COL1A2: variants seen among roughly 807,000 people sequenced by gnomAD.
The protein encoded by COL1A2 is collagen type I alpha 2 chain, also known as collagen alpha-2(I) chain.
A neutral mutation model predicts 174.3 loss-of-function variants in COL1A2; 49 were observed. The ratio of observed to expected loss-of-function variants is 0.28; its 90% confidence interval spans 0.22 to 0.36. The LOEUF (loss-of-function observed/expected upper bound fraction) is 0.36, where lower values mean the gene tolerates loss of function less well. COL1A2 is among the 10% of genes least tolerant of loss of function. The pLI, the probability that COL1A2 is intolerant of heterozygous loss-of-function variation, is 1.00. For synonymous variants in COL1A2, 655 were observed against 606.6 expected, an observed-to-expected ratio of 1.08 and a Z score of -1.17; for missense variants, 1,438 against 1,822.7, an observed-to-expected ratio of 0.79 and a Z score of 3.84.
rs763546006 is a variant in COL1A2 at position 94,397,748 on chromosome 7, C to G, written c.71C>G (p.Ser24Cys). ...AVTLCLATCQ[S>C]LQEETVRKGP... is the part of the protein sequence containing the mutation. ...TACTTTTTCTTTTTTTTTTCTACAG[C>G]TTTACAAGAGGTGAGTAAAACTTTT... The change falls in exon 2 of 52, where the codon TCT becomes TGT. Residue 24 changes from serine to cysteine, a missense_variant and splice_region_variant. Physicochemically the swap from Ser to Cys is moderately radical, Grantham distance 112 (BLOSUM62 -1). Around this residue, in one of 3 missense-constraint regions of COL1A2, gnomAD observed 281 missense variants for 310.9 expected, o/e 0.90. Coordinates refer to ENST00000297268, the MANE Select transcript of COL1A2 (RefSeq NM_000089.4). 1 of 1,304,308 alleles carries G rather than the reference C, an allele frequency of 7.7e-7. No individual in the cohort carries two copies. The highest frequency in any genetic ancestry group is 2.4e-5 in the East Asian group (1 of 42,438). 80.8% of individuals were successfully genotyped at this position (1,304,308 alleles called of 1,614,324 possible). A position where few individuals can be genotyped will look rare whatever the true frequency, so the allele number is the denominator to read the frequency against.
intron 25 of COL1A2, 43 bp from the exon 26 acceptor site, chr7:94,413,040 T>C (rs779519774): frequency 2.5e-6 from 4 of 1,585,638 alleles, no homozygotes; most frequent in Non-Finnish European, 3.5e-6. Context: ...TGACATTAAA[T>C]GTGCAAAGCT....
At chr7:94,422,070 C>A in intron 39 of COL1A2, 118 bp downstream of exon 39, 1 of 799,056 alleles carries the variant, frequency 1.3e-6, no homozygotes. Flanking sequence ...CTATTACTCT[C>A]CTGGTCTGAA....
At chr7:94,401,710 C>G (rs1791693497) in intron 6 of COL1A2, 90 bp downstream of exon 6, 2 of 888,516 alleles carry the variant, frequency 2.3e-6, no homozygotes. Flanking sequence ...ATTTAGCTAC[C>G]TAAGTTAACA....
Position 94,430,621 on chromosome 7 carries a change from A to G in COL1A2, c.*228A>G. On this transcript the variant is annotated 3_prime_UTR_variant, in exon 52 of 52. Coordinates refer to ENST00000297268, the MANE Select transcript of COL1A2 (RefSeq NM_000089.4). Reference sequence around the variant, plus strand: ...CAAAAATTTGAATTTTTTTTTCAACACTCTTACACCTGTTATGGAAAATGT... The same window carrying G: ...CAAAAATTTGAATTTTTTTTTCAACGCTCTTACACCTGTTATGGAAAATGT... 1.8e-6 allele frequency: 1 copy of G among 549,590 alleles called. No individual in the cohort carries two copies. The allele number at this position is 549,590 out of a possible 1,614,324, so 34.0% of individuals were successfully genotyped here.
chr7:94,429,258 C>A lies in COL1A2; in HGVS notation c.3782C>A (p.Ala1261Asp). The A allele has an allele frequency of 6.2e-7, 1 of 1,613,978 alleles. No individual in the cohort carries two copies. The highest frequency in any genetic ancestry group is 8.5e-7 in the Non-Finnish European group (1 of 1,179,908). Residue 1261 changes from alanine to aspartate, a missense_variant, in exon 51 of 52, where the codon GCC becomes GAC. This residue lies in a region of COL1A2 where 290 missense variants were observed against 298.1 expected (regional missense o/e 0.97). Coordinates refer to ENST00000297268, the MANE Select transcript of COL1A2 (RefSeq NM_000089.4). ...ATQLAFMRLL[A>D]NYASQNITYH... ...CAACTTGCCTTCATGCGCCTGCTGG[C>A]CAACTATGCCTCTCAGAACATCACC...
intron 14 of COL1A2, 36 bp downstream of exon 14, chr7:94,408,272 T>TA (rs2115888209): frequency 6.2e-7 from 1 of 1,613,622 alleles, no homozygotes; most frequent in South Asian, 1.1e-5. Flanking sequence ...TTCATCCTTT[T>TA]AAAAAATCTT....
rs1229504653 is a variant in COL1A2 at position 94,428,462 on chromosome 7, C to G, written c.3696C>G (p.Ile1232Met). Reference sequence around the variant, plus strand: ...AACACGTCTGGCTAGGAGAAACTATCAATGCTGGCAGCCAGGTGAGGAATC... The same window carrying G: ...AACACGTCTGGCTAGGAGAAACTATGAATGCTGGCAGCCAGGTGAGGAATC... ...DKKHVWLGET[I>M]NAGSQFEYNV... The change falls in exon 50 of 52, where the codon ATC (isoleucine) becomes ATG (methionine). Residue 1232 changes from isoleucine (I) to methionine (M), a missense_variant. This residue lies in a region of COL1A2 where 290 missense variants were observed against 298.1 expected (regional missense o/e 0.97). Coordinates refer to ENST00000297268, the MANE Select transcript of COL1A2 (RefSeq NM_000089.4). 6.2e-7 allele frequency: 1 copy of G among 1,613,856 alleles called. No individual in the cohort carries two copies. Among genetic ancestry groups the G allele is most frequent in the Non-Finnish European group, 8.5e-7 (1 of 1,179,930 alleles).
chr7:94,419,855 C>T (rs983272737), intron 34 of COL1A2, among the ~76,000 whole-genome samples: 15 of 152,224 alleles, frequency 9.9e-5, no homozygotes, highest in African/African-American at 3.6e-4. Context: ...CAATTATTAC[C>T]AAAAAATCAA....
intron 30 of COL1A2, 61 bp from the exon 31 acceptor site, chr7:94,416,344 G>A: frequency 7.1e-7 from 1 of 1,410,824 alleles, no homozygotes; most frequent in Non-Finnish European, 9.8e-7. Flanking sequence ...ACTCTCATAT[G>A]TAAAACAGTA....
Position 94,421,166 on chromosome 7 carries a change from A to T in COL1A2, c.2349+104A>T, listed in dbSNP as rs554434548. On this transcript the variant is annotated intron_variant, in intron 38 of 51. Transcript: ENST00000297268. The stretch of plus-strand genomic sequence containing the variant: ...GGTAAATTTGGACTACCATGAGGAA[A>T]CTTTTGAGATTCAAGTTCATTCTAT... 66 of 1,141,538 alleles carry T rather than the reference A, an allele frequency of 5.8e-5. No homozygotes were observed. The African/African-American group carries it at 9.8e-4, about 17-fold the overall frequency. The allele number at this position is 1,141,538 out of a possible 1,614,324, so 70.7% of individuals were successfully genotyped here. A position where few individuals can be genotyped will look rare whatever the true frequency, so the allele number is the denominator to read the frequency against.
At position 94,428,477 on chromosome 7, in the gene COL1A2, G is replaced by T. The variant is rs1792333856; in HGVS notation, c.3711G>T (p.Gln1237His). ...GAGAAACTATCAATGCTGGCAGCCA[G>T]GTGAGGAATCCCACAAACACCTCTC... ...WLGETINAGS[Q>H]FEYNVEGVTS... Residue 1237 changes from glutamine to histidine, a missense_variant and splice_region_variant, in exon 50 of 52, where the codon CAG becomes CAT. By Grantham distance (24) the Gln-to-His change is conservative. Transcript: ENST00000297268. 1 of 1,613,106 alleles carries T rather than the reference G, an allele frequency of 6.2e-7. No homozygotes were observed.
chr7:94,400,223 GGT>G lies in COL1A2; in HGVS notation c.162_163del (p.Glu55ArgfsTer27). 6.2e-7 allele frequency: 1 copy of G among 1,612,802 alleles called. No individual in the cohort carries two copies. The highest frequency in any genetic ancestry group is 1.1e-5 in the South Asian group (1 of 91,040). ...RGPPGPPGRD[G>X]EDGPTGPPGP... ...TCCACCAGGCCCCCCAGGCAGAGATGGTGAAGATGGTCCCACAGGCCCTCCTG... is the reference window on the plus strand; with the variant it reads ...TCCACCAGGCCCCCCAGGCAGAGATGGAAGATGGTCCCACAGGCCCTCCTG... On this transcript the variant is annotated frameshift_variant, in exon 5 of 52. Coordinates refer to ENST00000297268, the MANE Select transcript of COL1A2 (RefSeq NM_000089.4). LOFTEE classifies it high-confidence loss of function.
chr7:94,409,351 T>C lies in COL1A2; in HGVS notation c.822T>C (p.Gly274=), dbSNP rs1327362301. ...KGEIGAVGNA[G]PAGPAGPRGE... is the part of the protein sequence containing the mutation. ...AAATTGGAGCTGTTGGTAACGCTGGTCCTGCTGGTCCCGCCGGTCCCCGTG... is the reference window on the plus strand; with the variant it reads ...AAATTGGAGCTGTTGGTAACGCTGGCCCTGCTGGTCCCGCCGGTCCCCGTG... Residue 274 remains glycine, a synonymous_variant, in exon 17 of 52, where the codon GGT becomes GGC. Coordinates refer to ENST00000297268, the MANE Select transcript of COL1A2 (RefSeq NM_000089.4). 1 of 1,614,198 alleles carries C rather than the reference T, an allele frequency of 6.2e-7. No homozygotes were observed. The highest frequency in any genetic ancestry group is 8.5e-7 in the Non-Finnish European group (1 of 1,180,026).
At position 94,407,842 on chromosome 7, in the gene COL1A2, T is replaced by A; in HGVS notation, c.595-5T>A. On this transcript the variant is annotated splice_region_variant and splice_polypyrimidine_tract_variant and intron_variant, in intron 12 of 51. Coordinates refer to ENST00000297268, the MANE Select transcript of COL1A2 (RefSeq NM_000089.4). ...TGAACAAAAACTCAATCCTTCTCCATGTAGGGTGAACCTGGTGCCCCTGGT... is the reference window on the plus strand; with the variant it reads ...TGAACAAAAACTCAATCCTTCTCCAAGTAGGGTGAACCTGGTGCCCCTGGT... The A allele has an allele frequency of 6.2e-7, 1 of 1,613,778 alleles. No homozygotes were observed. Among genetic ancestry groups the A allele is most frequent in the Non-Finnish European group, 8.5e-7 (1 of 1,179,738 alleles).
Position 94,427,711 on chromosome 7 carries a change from A to C in COL1A2, c.3352A>C (p.Arg1118=). 1 of 1,614,148 alleles carries C rather than the reference A, an allele frequency of 6.2e-7. No individual in the cohort carries two copies. Among genetic ancestry groups the C allele is most frequent in the Non-Finnish European group, 8.5e-7 (1 of 1,180,038 alleles). Residue 1118 remains arginine, a synonymous_variant, in exon 49 of 52, where the codon AGG becomes CGG. Coordinates refer to ENST00000297268, the MANE Select transcript of COL1A2 (RefSeq NM_000089.4). ...YDFGYDGDFY[R]ADQPRSAPSL... The stretch of plus-strand genomic sequence containing the variant: ...CTTTGGTTACGATGGAGACTTCTAC[A>C]GGGCTGACCAGCCTCGCTCAGCACC...
chr7:94,404,905 T>C lies in COL1A2; in HGVS notation c.432+13T>C. Reference sequence around the variant, plus strand: ...GGCTGGTGAAGATGTAAGTATTTACTCTTAAGCACTTTCAAAATGCTATTT... The same window carrying C: ...GGCTGGTGAAGATGTAAGTATTTACCCTTAAGCACTTTCAAAATGCTATTT... On this transcript the variant is annotated intron_variant, in intron 9 of 51. Coordinates refer to ENST00000297268, the MANE Select transcript of COL1A2 (RefSeq NM_000089.4). 1 of 1,613,826 alleles carries C rather than the reference T, an allele frequency of 6.2e-7. No individual in the cohort carries two copies. Among genetic ancestry groups the C allele is most frequent in the Middle Eastern group, 1.7e-4 (1 of 6,060 alleles).
At chr7:94,395,255 C>T in intron 1 of COL1A2, 154 bp downstream of exon 1, 1 of 774,150 alleles carries the variant, frequency 1.3e-6, no homozygotes, top group Non-Finnish European at 2.4e-6. Context: ...TGATAAGAAA[C>T]ATGGAAATTA....
intron 6 of COL1A2, 83 bp downstream of exon 6, chr7:94,401,703 T>A: frequency 1.0e-6 from 1 of 1,003,366 alleles, no homozygotes; most frequent in Non-Finnish European, 1.5e-6. Context: ...GCCATTTATT[T>A]AGCTACCTAA....
rs1312844157 is a variant in COL1A2 at position 94,412,097 on chromosome 7, C to T, written c.1380C>T (p.Gly460=). 4 of 1,612,688 alleles carry T rather than the reference C, an allele frequency of 2.5e-6. No individual in the cohort carries two copies. The highest frequency in any genetic ancestry group is 3.4e-6 in the Non-Finnish European group (4 of 1,179,242). The change falls in exon 24 of 52, where the codon GGC becomes GGT. Residue 460 remains glycine (G), a synonymous_variant. Transcript: ENST00000297268. ...RGLPGSPGNI[G]PAGKEGPVGL... ...TTCCTGGTTCCCCTGGAAATATCGG[C>T]CCCGCTGGAAAAGAAGGTCCTGTCG... is the stretch of plus-strand genomic sequence containing the variant.
Sources: allele counts gnomAD v4.1 joint callset (sites outside exome capture counted in the v4.1 genomes callset), GRCh38; gene constraint gnomAD v4.1.1; regional missense constraint gnomAD v4.1.1; transcripts MANE v1.5; gene names NCBI Gene and HGNC (gene_info 2026-07-23, HGNC 2026-07-21).